ENPP6: variants seen among roughly 807,000 people sequenced by gnomAD.
The protein encoded by ENPP6 is ectonucleotide pyrophosphatase/phosphodiesterase 6.
A neutral mutation model predicts 42.0 loss-of-function variants in ENPP6; 32 were observed. That is an observed-to-expected ratio of 0.76 (90% CI 0.58 to 1.02). ENPP6 has a LOEUF of 1.02. ENPP6 is among the 50% of genes least tolerant of loss of function. ENPP6 has a pLI of 0.00. For synonymous variants in ENPP6, 213 were observed against 216.0 expected (o/e 0.99, Z 0.12); for missense variants, 552 against 566.8 (o/e 0.97, Z 0.27).
At chr4:184,206,253 T>TC (rs56396351) in intron 1 of ENPP6, among the ~76,000 whole-genome samples, 5,428 of 87,078 alleles carry the variant, frequency 0.062, 799 homozygotes, top group African/African-American at 0.19. Context: ...AAGCTTGAAT[T>TC]TTTTTTTTTT....
intron 1 of ENPP6, among the ~76,000 whole-genome samples, chr4:184,186,480 G>C (rs73009722): frequency 0.017 from 2,568 of 152,238 alleles, 76 homozygotes; most frequent in African/African-American, 0.059. Context: ...GAACAAGAAA[G>C]AAAGAGAAAT....
At chr4:184,106,887 C>T (rs1579611215) in intron 6 of ENPP6, among the ~76,000 whole-genome samples, 1 of 152,226 alleles carries the variant, frequency 6.6e-6, no homozygotes, top group African/African-American at 2.4e-5. Flanking sequence ...TGCACGATTG[C>T]TGAGGCACAC....
intron 2 of ENPP6, among the ~76,000 whole-genome samples, chr4:184,126,807 A>C (rs936159162): frequency 2.6e-5 from 4 of 152,248 alleles, no homozygotes; most frequent in African/African-American, 9.6e-5. Flanking sequence ...AGGAAAGCGC[A>C]GACCCAGCTC....
chr4:184,179,261 G>A (rs1432854154), intron 1 of ENPP6, among the ~76,000 whole-genome samples: 2 of 152,076 alleles, frequency 1.3e-5, no homozygotes, highest in African/African-American at 4.8e-5. Flanking sequence ...AGCCAACAAA[G>A]TTCAAAAAAG....
At chr4:184,178,756 A>G (rs1300804946) in intron 1 of ENPP6, among the ~76,000 whole-genome samples, 2 of 152,232 alleles carry the variant, frequency 1.3e-5, no homozygotes, top group South Asian at 4.1e-4. Context: ...CAAACCCAGA[A>G]TTTCATATCT....
intron 2 of ENPP6, among the ~76,000 whole-genome samples, chr4:184,138,376 C>A (rs1736765383): frequency 6.6e-6 from 1 of 152,320 alleles, no homozygotes; most frequent in Middle Eastern, 3.4e-3. Flanking sequence ...TTTCAGCTGA[C>A]AACTCAATTA....
chr4:184,129,176 G>A (rs1736553171), intron 2 of ENPP6, among the ~76,000 whole-genome samples: 1 of 152,060 alleles, frequency 6.6e-6, no homozygotes. Flanking sequence ...AATAAGAAAT[G>A]AATGCTGGAA....
chr4:184,094,510 C>T (rs749776712), intron 7 of ENPP6, among the ~76,000 whole-genome samples: 2 of 152,374 alleles, frequency 1.3e-5, no homozygotes, highest in East Asian at 3.9e-4. Flanking sequence ...ATAATCCAGG[C>T]TGGAATGAGA....
In ENPP6 at chr4:184,117,870, G is replaced by A; in HGVS notation, c.564C>T (p.Tyr188=). The A allele has an allele frequency of 1.9e-6, 3 of 1,614,224 alleles. No homozygotes were observed. The highest frequency in any genetic ancestry group is 1.1e-5 in the South Asian group (1 of 91,088). Residue 188 remains tyrosine, a synonymous_variant, in exon 4 of 8, where the codon TAC becomes TAT. Coordinates refer to ENST00000296741, the MANE Select transcript of ENPP6 (RefSeq NM_153343.4). ...KSGRADLAAI[Y]HERIDVEGHH... The stretch of plus-strand genomic sequence containing the variant: ...GGCCTTCCACGTCAATGCGCTCATG[G>A]TATATGGCTGCCAGGTCGGCCCGGC...
At chr4:184,126,145 G>T (rs1329480373) in intron 2 of ENPP6, among the ~76,000 whole-genome samples, 1 of 152,126 alleles carries the variant, frequency 6.6e-6, no homozygotes, top group Non-Finnish European at 1.5e-5. Context: ...TTTGGTGTTT[G>T]CACATAATAT....
chr4:184,189,212 G>T (rs984055798), intron 1 of ENPP6, among the ~76,000 whole-genome samples: 11 of 152,216 alleles, frequency 7.2e-5, no homozygotes, highest in Admixed American at 6.5e-4. Context: ...AGGAAAGGAA[G>T]TCCTGTCAGT....
chr4:184,171,804 CCA>C (rs1737466477), intron 1 of ENPP6, among the ~76,000 whole-genome samples: 1 of 151,542 alleles, frequency 6.6e-6, no homozygotes, highest in Non-Finnish European at 1.5e-5. Context: ...TTTTTAAACC[CCA>C]GTGTATCCGG....
intron 6 of ENPP6, among the ~76,000 whole-genome samples, chr4:184,105,496 G>C (rs1171059751): frequency 6.6e-6 from 1 of 152,170 alleles, no homozygotes; most frequent in Non-Finnish European, 1.5e-5. Context: ...TTCATGGCTA[G>C]ACTTGAATTC....
chr4:184,212,975 A>G (rs1477232178), intron 1 of ENPP6, among the ~76,000 whole-genome samples: 1 of 152,016 alleles, frequency 6.6e-6, no homozygotes, highest in African/African-American at 2.4e-5. Flanking sequence ...CCTGAGAAAA[A>G]CAAGCAATGG....
chr4:184,194,022 G>A (rs1220249922), intron 1 of ENPP6, among the ~76,000 whole-genome samples: 1 of 152,130 alleles, frequency 6.6e-6, no homozygotes, highest in Non-Finnish European at 1.5e-5. Context: ...GTCCCTGATA[G>A]CTCTTTGCCT....
At chr4:184,129,431 C>A (rs549892013) in intron 2 of ENPP6, among the ~76,000 whole-genome samples, 1 of 152,068 alleles carries the variant, frequency 6.6e-6, no homozygotes, top group Non-Finnish European at 1.5e-5. Flanking sequence ...TCCATAAGTA[C>A]GTTTCAACTT....
At chr4:184,148,026 C>G (rs1399928283) in intron 2 of ENPP6, among the ~76,000 whole-genome samples, 1 of 152,200 alleles carries the variant, frequency 6.6e-6, no homozygotes, top group Non-Finnish European at 1.5e-5. Flanking sequence ...TTTGTTAACC[C>G]TCTCAGAGGG....
intron 6 of ENPP6, among the ~76,000 whole-genome samples, chr4:184,106,395 A>C (rs1736093188): frequency 6.6e-6 from 1 of 152,144 alleles, no homozygotes; most frequent in Non-Finnish European, 1.5e-5. Flanking sequence ...TCCCTTGCTT[A>C]CCTAAGCAGC....
At chr4:184,146,107 A>G (rs1185022749) in intron 2 of ENPP6, among the ~76,000 whole-genome samples, 1 of 149,566 alleles carries the variant, frequency 6.7e-6, no homozygotes, top group African/African-American at 2.5e-5. Context: ...ATTTTCAGCC[A>G]ATTTTCAAGC....
Sources: allele counts gnomAD v4.1 joint callset (sites outside exome capture counted in the v4.1 genomes callset), GRCh38; gene constraint gnomAD v4.1.1; transcripts MANE v1.5; gene names NCBI Gene and HGNC (gene_info 2026-07-23, HGNC 2026-07-21).